Variants in PCDHA2 observed in about 807,000 individuals in gnomAD.
The protein encoded by PCDHA2 is protocadherin alpha-2.
A neutral mutation model predicts 66.0 loss-of-function variants in PCDHA2; 58 were observed. That is an observed-to-expected ratio of 0.88 (90% CI 0.71 to 1.09). The LOEUF is 1.09. PCDHA2 is among the 50% of genes least tolerant of loss of function. The pLI is 0.00. For synonymous variants in PCDHA2, 634 were observed against 554.0 expected (o/e 1.14, Z -2.03); for missense variants, 1,267 against 1,242.3 (o/e 1.02, Z -0.30).
chr5:140,952,821 A>G (rs269545), intron 1 of PCDHA2, among the ~76,000 whole-genome samples: 31,238 of 152,098 alleles, frequency 0.21, 3,965 homozygotes, highest in African/African-American at 0.36. Context: ...CTGTACAGGA[A>G]GCATGATGCT....
intron 1 of PCDHA2, among the ~76,000 whole-genome samples, chr5:140,891,046 C>T (rs576145840): frequency 6.6e-6 from 1 of 152,270 alleles, no homozygotes; most frequent in African/African-American, 2.4e-5. Context: ...GTGACCCCCA[C>T]AGCACATAGT....
chr5:140,866,152 G>A (rs955753225), intron 1 of PCDHA2: 31 of 152,098 alleles, frequency 2.0e-4, no homozygotes, highest in African/African-American at 7.5e-4. Flanking sequence ...AGTGATATAA[G>A]TAAGAATCGT....
chr5:140,872,950 G>A lies in PCDHA2; in HGVS notation c.2388+75598G>A, dbSNP rs185090422. ...AATGTTTTTGAAATTTTCTTTCCAC[G>A]TAGTATCATCCCATCTGAAGATTTG... On this transcript the variant is annotated intron_variant, in intron 1 of 3. Transcript: ENST00000526136. Among the ~76,000 whole-genome samples, 445 of 152,104 alleles carry A rather than the reference G, an allele frequency of 2.9e-3. 2 individuals carry two copies. Among genetic ancestry groups the A allele is most frequent in the Middle Eastern group, 0.014 (4 of 294 alleles).
At chr5:140,839,812 A>G (rs2150301074) in intron 1 of PCDHA2, among the ~76,000 whole-genome samples, 1 of 152,032 alleles carries the variant, frequency 6.6e-6, no homozygotes, top group African/African-American at 2.4e-5. Flanking sequence ...TTAATTGCCT[A>G]CTATGAAGGC....
intron 1 of PCDHA2, among the ~76,000 whole-genome samples, chr5:140,938,233 A>AC (rs1329361250): frequency 6.6e-6 from 1 of 152,210 alleles, no homozygotes; most frequent in African/African-American, 2.4e-5. Context: ...GGCATAGGCC[A>AC]CCATGCCTGG....
At chr5:140,884,143 G>C (rs782116778) in intron 1 of PCDHA2, 1 of 1,613,438 alleles carries the variant, frequency 6.2e-7, no homozygotes. Context: ...TCCGCGTGGG[G>C]CTGTACACTG....
In PCDHA2 at chr5:140,993,461, CT is replaced by C. The variant is rs1554253717; in HGVS notation, c.2536+10899del. 2.8e-3 allele frequency among the ~76,000 whole-genome samples: 284 copies of C among 103,272 alleles called. 3 individuals are homozygous for C. Among genetic ancestry groups the C allele is most frequent in the African/African-American group, 0.011 (251 of 22,630 alleles). 67.8% of individuals were successfully genotyped at this position (103,272 alleles called of 152,430 possible). ...TCATTCCTGTTCTCCTTCTTTCTTTCTCACACACACACACACACACACACAC... is the reference window on the plus strand; with the variant it reads ...TCATTCCTGTTCTCCTTCTTTCTTTCCACACACACACACACACACACACAC... On this transcript the variant is annotated intron_variant, in intron 3 of 3. Coordinates refer to ENST00000526136, the MANE Select transcript of PCDHA2 (RefSeq NM_018905.3).
chr5:140,891,225 T>C (rs1554184733), intron 1 of PCDHA2, among the ~76,000 whole-genome samples: 1 of 152,222 alleles, frequency 6.6e-6, no homozygotes, highest in Non-Finnish European at 1.5e-5. Context: ...TTTATAATCA[T>C]CCTGTTCTGG....
chr5:140,852,885 ATTT>A, intron 1 of PCDHA2: 4 of 778,030 alleles, frequency 5.1e-6, no homozygotes, highest in Non-Finnish European at 6.3e-6. Flanking sequence ...CATAAAACGT[ATTT>A]TTTTTTTTGA....
intron 3 of PCDHA2, among the ~76,000 whole-genome samples, chr5:140,985,992 G>A (rs1173402846): frequency 3.3e-5 from 5 of 152,068 alleles, no homozygotes; most frequent in African/African-American, 4.8e-5. Context: ...GCCCACCTCA[G>A]CCTCCCAAAG....
intron 3 of PCDHA2, among the ~76,000 whole-genome samples, chr5:140,995,850 C>T (rs924455609): frequency 3.9e-5 from 6 of 152,080 alleles, no homozygotes; most frequent in African/African-American, 1.4e-4. Context: ...ACATTTCTAT[C>T]GTATCACTTA....
chr5:140,876,723 C>G, intron 1 of PCDHA2: 2 of 1,614,250 alleles, frequency 1.2e-6, no homozygotes, highest in African/African-American at 2.7e-5. Flanking sequence ...ACCGCGAGAG[C>G]GTGTCGGCCT....
At chr5:140,832,639 G>T (rs1038103707) in intron 1 of PCDHA2, among the ~76,000 whole-genome samples, 1 of 152,018 alleles carries the variant, frequency 6.6e-6, no homozygotes, top group African/African-American at 2.4e-5. Flanking sequence ...TTCCTAGGAG[G>T]GTCTTTAAGA....
rs201643490 is a variant in PCDHA2 at position 140,856,993 on chromosome 5, T to A, written c.2388+59641T>A. 5.0e-6 allele frequency: 8 copies of A among 1,595,442 alleles called. No homozygotes were observed. In the East Asian group the frequency reaches 1.3e-4, roughly 27 times the overall value. On this transcript the variant is annotated intron_variant, in intron 1 of 3. Transcript: ENST00000526136. Reference sequence around the variant, plus strand: ...TTGACTTTGAGGACAGTAACACTTATGAAATTCATGTAGATGTTACAGATA... The same window carrying A: ...TTGACTTTGAGGACAGTAACACTTAAGAAATTCATGTAGATGTTACAGATA...
At chr5:140,859,562 C>A in intron 1 of PCDHA2, 1 of 176,644 alleles carries the variant, frequency 5.7e-6, no homozygotes, top group Non-Finnish European at 1.2e-5. Flanking sequence ...ACACCAATGC[C>A]ATGAATTTGT....
In PCDHA2 at chr5:140,836,669, G is replaced by A. The variant is rs142732506; in HGVS notation, c.2388+39317G>A. ...GGCGGCAGAGGGTGTGCTCTGGGGA[G>A]GGCCCACCCAAGACAGACCTCATGG... On this transcript the variant is annotated intron_variant, in intron 1 of 3. Coordinates refer to ENST00000526136, the MANE Select transcript of PCDHA2 (RefSeq NM_018905.3). The A allele has an allele frequency of 2.5e-6, 4 of 1,613,470 alleles. No homozygotes were observed. In the East Asian group the frequency reaches 8.9e-5, roughly 36 times the overall value.
chr5:140,916,692 C>T (rs968252842), intron 1 of PCDHA2, among the ~76,000 whole-genome samples: 47 of 152,270 alleles, frequency 3.1e-4, no homozygotes, highest in African/African-American at 1.0e-3. Flanking sequence ...TCTTTTCTCT[C>T]CTCTCCTTAA....
chr5:140,828,549 C>T (rs1769814403), intron 1 of PCDHA2: 4 of 1,614,090 alleles, frequency 2.5e-6, no homozygotes, highest in Non-Finnish European at 2.5e-6. Flanking sequence ...TCTGTGTTTC[C>T]ACTGGAGGGC....
chr5:140,967,748 G>T, intron 1 of PCDHA2: 1 of 1,614,204 alleles, frequency 6.2e-7, no homozygotes, highest in Non-Finnish European at 8.5e-7. Context: ...TTATGAGGAA[G>T]CCTCCTCCTA....
Sources: gnomAD v4.1 joint callset for allele counts (sites outside exome capture counted in the v4.1 genomes callset) on GRCh38, gnomAD v4.1.1 for gene constraint, MANE v1.5 for transcripts, NCBI Gene and HGNC (gene_info 2026-07-23, HGNC 2026-07-21) for gene names.